The following ARHGAP31 variants were observed in gnomAD, a reference collection of about 807,000 sequenced individuals.
ARHGAP31 encodes the protein Rho GTPase activating protein 31.
Under a neutral mutation model 113.9 loss-of-function variants are expected in ARHGAP31, and 34 were observed. The observed-to-expected ratio is 0.30, with a 90% CI of 0.23 to 0.40. The LOEUF (loss-of-function observed/expected upper bound fraction) is 0.40, where lower values mean the gene tolerates loss of function less well. Ranked by LOEUF, ARHGAP31 falls within the 10% of genes least tolerant of loss-of-function variation. The pLI, the probability that ARHGAP31 is intolerant of heterozygous loss-of-function variation, is 1.00. For synonymous variants in ARHGAP31, 650 were observed against 684.8 expected, an observed-to-expected ratio of 0.95 and a Z score of 0.79; for missense variants, 1,548 against 1,767.1, an observed-to-expected ratio of 0.88 and a Z score of 2.22.
At chr3:119,406,600 C>T (rs572861298) in intron 10 of ARHGAP31, among the ~76,000 whole-genome samples, 29 of 152,344 alleles carry the variant, frequency 1.9e-4, no homozygotes, top group Non-Finnish European at 4.0e-4. Context: ...CCCCAAACTC[C>T]AGCGAATCTG....
rs547256013 is a variant in ARHGAP31, at chr3:119,402,289, C to T, written c.1537C>T (p.Pro513Ser). The change falls in exon 10 of 12, where the codon CCG (proline) becomes TCG (serine). Residue 513 changes from proline to serine, a missense_variant. Physicochemically the swap from Pro to Ser is moderately conservative, Grantham distance 74. Transcript: ENST00000264245. The stretch of plus-strand genomic sequence containing the variant: ...CAACAGCACGCCGTGCAGAACACCC[C>T]CGAAGGAGCTGCAGTCTCTTTCCAG... ...STNSTPCRTP[P>S]KELQSLSSLE... 33 of 1,614,154 alleles carry T rather than the reference C, an allele frequency of 2.0e-5. No individual in the cohort carries two copies. The South Asian group carries it at 3.1e-4, about 15-fold the overall frequency.
intron 1 of ARHGAP31, among the ~76,000 whole-genome samples, chr3:119,312,835 C>T (rs986223926): frequency 6.6e-6 from 1 of 152,110 alleles, no homozygotes; most frequent in Non-Finnish European, 1.5e-5. Context: ...GCTGGTGCTA[C>T]CCAGGAACTA....
intron 8 of ARHGAP31, 73 bp from the exon 9 acceptor site, chr3:119,399,118 TACTTAAAC>T (rs1455125702): frequency 7.9e-7 from 1 of 1,272,508 alleles, no homozygotes; most frequent in East Asian, 2.3e-5. Flanking sequence ...TTGTCTTGGG[TACTTAAAC>T]AGCCTGACCT....
At chr3:119,325,349 C>T (rs1323666444) in intron 1 of ARHGAP31, among the ~76,000 whole-genome samples, 1 of 152,240 alleles carries the variant, frequency 6.6e-6, no homozygotes, top group East Asian at 1.9e-4. Flanking sequence ...AACACATTCA[C>T]ATATCATCTC....
At chr3:119,358,839 A>G (rs1577011100) in intron 1 of ARHGAP31, among the ~76,000 whole-genome samples, 1 of 152,148 alleles carries the variant, frequency 6.6e-6, no homozygotes, top group African/African-American at 2.4e-5. Flanking sequence ...GAGCTGGGAG[A>G]AGGGGAAATG....
chr3:119,404,063 A>G (rs1184675654), intron 10 of ARHGAP31, among the ~76,000 whole-genome samples: 1 of 152,172 alleles, frequency 6.6e-6, no homozygotes, highest in African/African-American at 2.4e-5. Flanking sequence ...CGGGGTATCA[A>G]GTGATGCCTT....
intron 1 of ARHGAP31, among the ~76,000 whole-genome samples, chr3:119,333,483 A>G (rs1250756188): frequency 1.3e-5 from 2 of 152,156 alleles, no homozygotes; most frequent in Non-Finnish European, 2.9e-5. Flanking sequence ...TTTTAAAAGT[A>G]TTTCGTCTTT....
intron 1 of ARHGAP31, among the ~76,000 whole-genome samples, chr3:119,360,108 A>G (rs1052682368): frequency 6.6e-6 from 1 of 151,960 alleles, no homozygotes; most frequent in African/African-American, 2.4e-5. Context: ...TCTTCCTACA[A>G]GTTAGTTTGC....
chr3:119,340,381 G>A (rs528643798), intron 1 of ARHGAP31, among the ~76,000 whole-genome samples: 2 of 152,306 alleles, frequency 1.3e-5, no homozygotes, highest in Non-Finnish European at 2.9e-5. Flanking sequence ...GTCATCAAGT[G>A]TTCTAATGGT....
At chr3:119,403,826 T>G (rs1039736137) in intron 10 of ARHGAP31, among the ~76,000 whole-genome samples, 1 of 152,170 alleles carries the variant, frequency 6.6e-6, no homozygotes, top group Non-Finnish European at 1.5e-5. Flanking sequence ...CTGGGCTGAT[T>G]CGGATGCTAG....
chr3:119,338,462 C>A (rs1304477868), intron 1 of ARHGAP31, among the ~76,000 whole-genome samples: 4 of 152,144 alleles, frequency 2.6e-5, no homozygotes, highest in Admixed American at 2.6e-4. Flanking sequence ...CAGAAAGAAT[C>A]GAACTTAAGT....
At position 119,294,707 on chromosome 3, in the gene ARHGAP31, G is replaced by A; in HGVS notation, c.-198G>A. 1.6e-6 allele frequency: 1 copy of A among 618,036 alleles called. No individual in the cohort carries two copies. Among genetic ancestry groups the A allele is most frequent in the Non-Finnish European group, 2.9e-6 (1 of 349,486 alleles). The allele number at this position is 618,036 out of a possible 1,614,324, so 38.3% of individuals were successfully genotyped here. On this transcript the variant is annotated 5_prime_UTR_variant, in exon 1 of 12. Coordinates refer to ENST00000264245, the MANE Select transcript of ARHGAP31 (RefSeq NM_020754.4). ...CTCGGCACGGCGGCCCCGGAGCGGC[G>A]CGGGGTGGATCTCAGGCTCTGCCGG...
chr3:119,397,333 A>G (rs1427645436), intron 8 of ARHGAP31, among the ~76,000 whole-genome samples: 1 of 152,204 alleles, frequency 6.6e-6, no homozygotes, highest in East Asian at 1.9e-4. Context: ...CAGAGCTGCT[A>G]CCCGGCCTCT....
chr3:119,329,835 G>C (rs139737334), intron 1 of ARHGAP31: 18 of 985,346 alleles, frequency 1.8e-5, no homozygotes, highest in Admixed American at 6.1e-5. Context: ...GAGTCTGTCC[G>C]CACTGTCCCC....
At chr3:119,335,603 T>C (rs1349457405) in intron 1 of ARHGAP31, among the ~76,000 whole-genome samples, 1 of 152,104 alleles carries the variant, frequency 6.6e-6, no homozygotes, top group African/African-American at 2.4e-5. Context: ...CACAGGGATT[T>C]GGGGCCCAGT....
At chr3:119,296,971 C>G (rs1026129182) in intron 1 of ARHGAP31, among the ~76,000 whole-genome samples, 1 of 152,116 alleles carries the variant, frequency 6.6e-6, no homozygotes, top group Non-Finnish European at 1.5e-5. Context: ...GATATTTTCC[C>G]CCTAAATTGA....
In ARHGAP31 at chr3:119,337,686, C is replaced by T. The variant is rs539633836; in HGVS notation, c.101-27630C>T. 3.7e-4 allele frequency among the ~76,000 whole-genome samples: 57 copies of T among 152,272 alleles called. No homozygotes were observed. The South Asian group carries it at 8.5e-3, about 23-fold the overall frequency. On this transcript the variant is annotated intron_variant, in intron 1 of 11. Transcript: ENST00000264245. ...CGTTTTTACTGAGTGATGATTGGTG[C>T]GTTTACAAACCTTTAGCTAGACACA...
At chr3:119,301,574 G>A (rs2079585659) in intron 1 of ARHGAP31, among the ~76,000 whole-genome samples, 1 of 152,182 alleles carries the variant, frequency 6.6e-6, no homozygotes, top group African/African-American at 2.4e-5. Flanking sequence ...CAGGTGTGAG[G>A]GGAAACACAT....
At chr3:119,321,557 TTA>T (rs369934866) in intron 1 of ARHGAP31, among the ~76,000 whole-genome samples, 21 of 149,862 alleles carry the variant, frequency 1.4e-4, no homozygotes, top group South Asian at 6.3e-4. Context: ...TATATATATA[TTA>T]TATATATATA....
Sources: gnomAD v4.1 joint callset for allele counts (sites outside exome capture counted in the v4.1 genomes callset) on GRCh38, gnomAD v4.1.1 for gene constraint, MANE v1.5 for transcripts, NCBI Gene and HGNC (gene_info 2026-07-23, HGNC 2026-07-21) for gene names.